The following WDR59 variants were observed in gnomAD, a reference collection of about 807,000 sequenced individuals.
WDR59 encodes GATOR2 complex protein WDR59.
In WDR59, 100 loss-of-function variants were observed where a neutral mutation model predicts 131.2. The ratio of observed to expected loss-of-function variants is 0.76; its 90% CI spans 0.65 to 0.90. WDR59 has a LOEUF of 0.90. Ranked by LOEUF, WDR59 falls within the 40% of genes least tolerant of loss-of-function variation. The pLI, the probability that WDR59 is intolerant of heterozygous loss-of-function variation, is 0.00. For missense variants in WDR59, 1,203 were observed against 1,262.2 expected, an observed-to-expected ratio of 0.95 and a Z score of 0.71; for synonymous variants, 601 against 466.2, an observed-to-expected ratio of 1.29 and a Z score of -3.72.
intron 24 of WDR59, 91 bp downstream of exon 24, chr16:74,886,179 A>AAAAAAAAAAAAAAG: frequency 9.4e-7 from 1 of 1,068,616 alleles, no homozygotes; most frequent in Non-Finnish European, 1.3e-6. Flanking sequence ...TCTGTGTCCA[A>AAAAAAAAAAAAAAG]AAAAAAAAAA....
Position 74,886,403 on chromosome 16 carries a change from A to T in WDR59, c.2420-7T>A. 1 of 1,611,890 alleles carries T rather than the reference A, an allele frequency of 6.2e-7. No homozygotes were observed. The highest frequency in any genetic ancestry group is 8.5e-7 in the Non-Finnish European group (1 of 1,179,480). On this transcript the variant is annotated splice_polypyrimidine_tract_variant and splice_region_variant and intron_variant, in intron 23 of 25. Transcript: ENST00000262144. Reference sequence around the variant, plus strand: ...TGCTCTGCCTCTCTTCCCGCTGAAGAAAATCAAATGGGAAGGGAAGATGGC... The same window carrying T: ...TGCTCTGCCTCTCTTCCCGCTGAAGTAAATCAAATGGGAAGGGAAGATGGC...
intron 25 of WDR59, among the ~76,000 whole-genome samples, chr16:74,881,459 T>C (rs1411298303): frequency 1.3e-5 from 2 of 152,134 alleles, no homozygotes; most frequent in Admixed American, 1.3e-4. Context: ...CCCAAAGTGT[T>C]GGGATTACAG....
chr16:74,946,550 T>C (rs1365505396), intron 6 of WDR59, among the ~76,000 whole-genome samples: 2 of 151,896 alleles, frequency 1.3e-5, no homozygotes, highest in South Asian at 2.1e-4. Context: ...GGTAAAACCC[T>C]GTCTCTACTA....
rs987017623 is a variant in WDR59 at position 74,921,835 on chromosome 16, C to T, written c.886+112G>A. The stretch of plus-strand genomic sequence containing the variant: ...GGCAACAGCCCTGGCTCTCTGGTTC[C>T]TAAAGCCCAGCTCTCTCTATGTCTT... On this transcript the variant is annotated intron_variant, in intron 10 of 25. Coordinates refer to ENST00000262144, the MANE Select transcript of WDR59 (RefSeq NM_030581.4). 5.8e-6 allele frequency: 8 copies of T among 1,379,050 alleles called. No homozygotes were observed. In the African/African-American group the frequency reaches 1.0e-4, roughly 18 times the overall value. The allele number at this position is 1,379,050 out of a possible 1,614,324, so 85.4% of individuals were successfully genotyped here.
At chr16:74,958,452 C>T (rs950840644) in intron 2 of WDR59, among the ~76,000 whole-genome samples, 4 of 151,024 alleles carry the variant, frequency 2.6e-5, no homozygotes, top group African/African-American at 9.7e-5. Context: ...ATTAGCTAAA[C>T]ATTGGTGGCA....
intron 2 of WDR59, among the ~76,000 whole-genome samples, chr16:74,960,465 G>A (rs2033508922): frequency 7.0e-6 from 1 of 143,306 alleles, no homozygotes. Flanking sequence ...AGAAAATGAG[G>A]TCAGGTACGT....
At chr16:74,911,790 A>T (rs1966106433) in intron 14 of WDR59, among the ~76,000 whole-genome samples, 2 of 152,222 alleles carry the variant, frequency 1.3e-5, no homozygotes, top group South Asian at 4.1e-4. Context: ...ATTGGACTGC[A>T]GGGCTCCTAA....
In WDR59 at chr16:74,933,255, C is replaced by A. The variant is rs189711004; in HGVS notation, c.651+4895G>T. Among the ~76,000 whole-genome samples, 106 of 152,276 alleles carry A rather than the reference C, an allele frequency of 7.0e-4. 1 individual carries two copies. In the East Asian group the frequency reaches 0.019, roughly 27 times the overall value. Reference sequence around the variant, plus strand: ...GTTCAAGGCTGCAGTGAGCTGTGATCATGCCACTTGGAGTGCAGCCTGGGT... The same window carrying A: ...GTTCAAGGCTGCAGTGAGCTGTGATAATGCCACTTGGAGTGCAGCCTGGGT... On this transcript the variant is annotated intron_variant, in intron 8 of 25. Transcript: ENST00000262144.
intron 17 of WDR59, among the ~76,000 whole-genome samples, chr16:74,905,335 A>C (rs576433814): frequency 1.3e-5 from 2 of 151,850 alleles, no homozygotes; most frequent in Non-Finnish European, 2.9e-5. Context: ...AGATTGCGCC[A>C]TTGCACTCCA....
intron 17 of WDR59, among the ~76,000 whole-genome samples, chr16:74,906,320 A>AAAAAAAAACAAAC (rs765077670): frequency 7.3e-6 from 1 of 136,282 alleles, no homozygotes; most frequent in Admixed American, 8.0e-5. Flanking sequence ...TCTCAAAAAA[A>AAAAAAAAACAAAC]AAAAAACCCA....
chr16:74,946,208 T>C (rs1489492066), intron 6 of WDR59, among the ~76,000 whole-genome samples: 1 of 152,222 alleles, frequency 6.6e-6, no homozygotes, highest in African/African-American at 2.4e-5. Context: ...GCCTAATTTA[T>C]AAATTAAACC....
At chr16:74,976,052 TA>T (rs2145236100) in intron 1 of WDR59, among the ~76,000 whole-genome samples, 1 of 152,302 alleles carries the variant, frequency 6.6e-6, no homozygotes, top group South Asian at 2.1e-4. Flanking sequence ...TACATATTAA[TA>T]GTCACTTACA....
Position 74,919,428 on chromosome 16 carries a change from G to A in WDR59, c.887-1420C>T, listed in dbSNP as rs550002093. ...TCACTGCAACAACCTGCACCTCCTG[G>A]TTCAGGAAATTCTCCTGCCTCAGCC... On this transcript the variant is annotated intron_variant, in intron 10 of 25. Coordinates refer to ENST00000262144, the MANE Select transcript of WDR59 (RefSeq NM_030581.4). Among the ~76,000 whole-genome samples the A allele has an allele frequency of 5.3e-5, 8 of 151,816 alleles. No individual in the cohort carries two copies. In the South Asian group the frequency reaches 1.7e-3, roughly 32 times the overall value.
At position 74,889,542 on chromosome 16, in the gene WDR59, G is replaced by C. The variant is rs186329918; in HGVS notation, c.2195+161C>G. ...TGGTTCTGTCTGCTATAAGAAGTTT[G>C]TTCTGCACAGAAATTATTTCAGCAC... is the stretch of plus-strand genomic sequence containing the variant. On this transcript the variant is annotated intron_variant, in intron 21 of 25. Transcript: ENST00000262144. The C allele has an allele frequency of 1.5e-5, 9 of 608,622 alleles. No homozygotes were observed. In the East Asian group the frequency reaches 2.5e-4, roughly 17 times the overall value. 37.7% of individuals were successfully genotyped at this position (608,622 alleles called of 1,614,324 possible). A position where few individuals can be genotyped will look rare whatever the true frequency, so the allele number is the denominator to read the frequency against.
At position 74,916,161 on chromosome 16, in the gene WDR59, A is replaced by T; in HGVS notation, c.1065T>A (p.Asp355Glu). 2 of 1,614,152 alleles carry T rather than the reference A, an allele frequency of 1.2e-6. No homozygotes were observed. Among genetic ancestry groups the T allele is most frequent in the Non-Finnish European group, 1.7e-6 (2 of 1,180,016 alleles). The change falls in exon 12 of 26, where the codon GAT becomes GAA. Residue 355 changes from aspartate (D) to glutamate (E), a missense_variant. Coordinates refer to ENST00000262144, the MANE Select transcript of WDR59 (RefSeq NM_030581.4). Reference protein sequence around the residue: ...PEKTLHTEDTDHQHTASHGEE... With the variant: ...PEKTLHTEDTEHQHTASHGEE... Reference sequence around the variant, plus strand: ...CCCCATGGCTTGCAGTGTGCTGGTGATCTGTATCTTCAGTGTGCAGGGTCT... The same window carrying T: ...CCCCATGGCTTGCAGTGTGCTGGTGTTCTGTATCTTCAGTGTGCAGGGTCT...
chr16:74,964,128 C>A (rs1434657418), intron 2 of WDR59, among the ~76,000 whole-genome samples: 8 of 152,046 alleles, frequency 5.3e-5, no homozygotes, highest in Admixed American at 5.2e-4. Flanking sequence ...CACCTGTAAT[C>A]CCAGGACTTT....
chr16:74,912,353 C>T lies in WDR59; in HGVS notation c.1234G>A (p.Ala412Thr). Reference protein sequence around the residue: ...IRNVNVEMDAADRSCTVSVHC... With the variant: ...IRNVNVEMDATDRSCTVSVHC... ...ACAGACACTGTGCAGCTCCTGTCTGCCGCATCCATCTGCAAGAGACAAATC... is the reference window on the plus strand; with the variant it reads ...ACAGACACTGTGCAGCTCCTGTCTGTCGCATCCATCTGCAAGAGACAAATC... Residue 412 changes from alanine to threonine, a missense_variant, in exon 14 of 26, where the codon GCA becomes ACA. Coordinates refer to ENST00000262144, the MANE Select transcript of WDR59 (RefSeq NM_030581.4). 1 of 1,612,358 alleles carries T rather than the reference C, an allele frequency of 6.2e-7. No homozygotes were observed. Among genetic ancestry groups the T allele is most frequent in the Non-Finnish European group, 8.5e-7 (1 of 1,179,092 alleles).
In WDR59 at chr16:74,897,810, G is replaced by A. The variant is rs572058204; in HGVS notation, c.1867-3998C>T. ...GGGGCTGCAAAATACTGTCACTGTCGGTTTTTTATAATGTGTTGGTTAGTG... is the reference window on the plus strand; with the variant it reads ...GGGGCTGCAAAATACTGTCACTGTCAGTTTTTTATAATGTGTTGGTTAGTG... On this transcript the variant is annotated intron_variant, in intron 18 of 25. Coordinates refer to ENST00000262144, the MANE Select transcript of WDR59 (RefSeq NM_030581.4). Among the ~76,000 whole-genome samples, 6 of 152,204 alleles carry A rather than the reference G, an allele frequency of 3.9e-5. No individual in the cohort carries two copies. In the East Asian group the frequency reaches 9.6e-4, roughly 24 times the overall value.
chr16:74,973,303 G>C (rs1357285748), intron 1 of WDR59, among the ~76,000 whole-genome samples: 2 of 126,108 alleles, frequency 1.6e-5, no homozygotes, highest in African/African-American at 2.5e-5. Context: ...TTGCTTTTTA[G>C]ATTGGGGTTG....
Sources: gnomAD v4.1 joint callset for allele counts (sites outside exome capture counted in the v4.1 genomes callset) on GRCh38, gnomAD v4.1.1 for gene constraint, MANE v1.5 for transcripts, NCBI Gene and HGNC (gene_info 2026-07-23, HGNC 2026-07-21) for gene names.